UTRN: variants seen among roughly 807,000 people sequenced by gnomAD.
UTRN encodes the protein dystrophin-related protein 1.
Under a neutral mutation model 463.9 loss-of-function variants are expected in UTRN, and 283 were observed. That is an observed-to-expected ratio of 0.61 (90% CI 0.55 to 0.67). UTRN has a LOEUF of 0.67. Ranked by LOEUF, UTRN falls within the 30% of genes least tolerant of loss-of-function variation. UTRN has a pLI of 0.00. For missense variants in UTRN, 3,922 were observed against 4,084.3 expected (o/e 0.96, Z 1.08); for synonymous variants, 1,442 against 1,431.5 (o/e 1.01, Z -0.17).
intron 54 of UTRN, among the ~76,000 whole-genome samples, chr6:144,741,555 A>G (rs1007935032): frequency 1.3e-5 from 2 of 152,124 alleles, no homozygotes; most frequent in Non-Finnish European, 2.9e-5. Context: ...CTCCTGAAAC[A>G]TTCTCAGCTT....
rs1292568487 is a variant in UTRN at position 144,801,436 on chromosome 6, G to C, written c.9246-1600G>C. On this transcript the variant is annotated intron_variant, in intron 64 of 74. Coordinates refer to ENST00000367545, the MANE Select transcript of UTRN (RefSeq NM_007124.3). The stretch of plus-strand genomic sequence containing the variant: ...TGTGGCTTCAGAGAATGAATGGAAA[G>C]ACAAGTACAGAAATAAAGATAGAGG... Among the ~76,000 whole-genome samples the C allele has an allele frequency of 1.3e-5, 2 of 152,036 alleles. 1 individual carries two copies. Among genetic ancestry groups the C allele is most frequent in the African/African-American group, 4.8e-5 (2 of 41,386 alleles).
At chr6:144,582,160 C>T (rs924565914) in intron 51 of UTRN, among the ~76,000 whole-genome samples, 7 of 152,016 alleles carry the variant, frequency 4.6e-5, no homozygotes, top group Non-Finnish European at 8.8e-5. Context: ...GACTTTAAAT[C>T]GTTGTAACAT....
chr6:144,776,350 G>A (rs1171141960), intron 60 of UTRN, among the ~76,000 whole-genome samples: 2 of 152,150 alleles, frequency 1.3e-5, no homozygotes, highest in Non-Finnish European at 2.9e-5. Context: ...TTGTGTGCTC[G>A]AATAATGTTT....
intron 11 of UTRN, 96 bp from the exon 12 acceptor site, chr6:144,438,649 T>C: frequency 6.9e-7 from 1 of 1,447,584 alleles, no homozygotes; most frequent in Non-Finnish European, 9.4e-7. Context: ...GACAAGGGTG[T>C]CTTCCCTTGC....
intron 51 of UTRN, among the ~76,000 whole-genome samples, chr6:144,577,843 A>C (rs1801588749): frequency 6.6e-6 from 1 of 152,212 alleles, no homozygotes; most frequent in Non-Finnish European, 1.5e-5. Flanking sequence ...AATCTTATGA[A>C]ATACGTCTGA....
chr6:144,523,164 A>G lies in UTRN; in HGVS notation c.5882A>G (p.Asn1961Ser), dbSNP rs1221151566. ...CTGAATGCAAAATGGGACAGAATTA[A>G]TAGAATGTACAGTGATCGGAAAGGG... ...TQLNAKWDRI[N>S]RMYSDRKGCF... is the part of the protein sequence containing the mutation. The change falls in exon 41 of 75, where the codon AAT (asparagine) becomes AGT (serine). Residue 1961 changes from asparagine (N) to serine (S), a missense_variant. Asn to Ser is a conservative substitution (Grantham distance 46). Around this residue, in one of 3 missense-constraint regions of UTRN, gnomAD observed 2,349 missense variants for 2,303.8 expected, o/e 1.02. Transcript: ENST00000367545. 3 of 1,610,730 alleles carry G rather than the reference A, an allele frequency of 1.9e-6. No individual in the cohort carries two copies. The highest frequency in any genetic ancestry group is 2.5e-6 in the Non-Finnish European group (3 of 1,178,930).
intron 2 of UTRN, among the ~76,000 whole-genome samples, chr6:144,357,898 C>T (rs1214267500): frequency 6.6e-6 from 1 of 152,208 alleles, no homozygotes; most frequent in African/African-American, 2.4e-5. Flanking sequence ...ATAGTCAATT[C>T]CTTGCTGTAG....
chr6:144,766,661 C>T (rs918675916), intron 58 of UTRN, among the ~76,000 whole-genome samples: 3 of 151,848 alleles, frequency 2.0e-5, no homozygotes, highest in African/African-American at 7.3e-5. Flanking sequence ...GGAAGCCAAA[C>T]AGAAGTGGCT....
intron 61 of UTRN, 85 bp downstream of exon 61, chr6:144,782,208 T>A (rs1775893047): frequency 1.7e-6 from 2 of 1,161,616 alleles, no homozygotes; most frequent in Admixed American, 3.0e-5. Flanking sequence ...GTGAATTTTT[T>A]AATAAGTGCT....
intron 66 of UTRN, among the ~76,000 whole-genome samples, chr6:144,822,535 C>T (rs1333424882): frequency 6.6e-6 from 1 of 152,080 alleles, no homozygotes; most frequent in Admixed American, 6.6e-5. Flanking sequence ...AGATCTGTGT[C>T]TTTCTAAACA....
At chr6:144,835,035 G>C (rs147284998) in intron 69 of UTRN, among the ~76,000 whole-genome samples, 156 of 152,324 alleles carry the variant, frequency 1.0e-3, no homozygotes, top group African/African-American at 3.7e-3. Context: ...GTTGAAAGAA[G>C]ATAAGAAATT....
At chr6:144,375,363 G>A (rs967755297) in intron 2 of UTRN, among the ~76,000 whole-genome samples, 45 of 152,328 alleles carry the variant, frequency 3.0e-4, no homozygotes, top group Non-Finnish European at 5.3e-4. Flanking sequence ...GCGTTTATAA[G>A]CATGTTAGAA....
chr6:144,484,177 C>T (rs1300076791), intron 27 of UTRN, among the ~76,000 whole-genome samples: 1 of 152,124 alleles, frequency 6.6e-6, no homozygotes, highest in African/African-American at 2.4e-5. Flanking sequence ...GCTCTGGAAA[C>T]CTCAGAGGGG....
intron 2 of UTRN, among the ~76,000 whole-genome samples, chr6:144,391,238 C>A (rs143285466): frequency 0.015 from 2,224 of 152,134 alleles, 29 homozygotes; most frequent in Non-Finnish European, 0.025. Context: ...TACCCAGACA[C>A]TTTTTTGATT....
rs567228829 is a variant in UTRN, at chr6:144,351,975, C to T, written c.80-51148C>T. 1.4e-4 allele frequency among the ~76,000 whole-genome samples: 21 copies of T among 152,348 alleles called. No homozygotes were observed. In the South Asian group the frequency reaches 2.1e-3, roughly 15 times the overall value. The stretch of plus-strand genomic sequence containing the variant: ...GGCTCAGCCAGTCTCTTGCTGGGAA[C>T]CTGCTGCCAGAGTTAGTCACTTGGC... On this transcript the variant is annotated intron_variant, in intron 2 of 74. Transcript: ENST00000367545.
rs370000762 is a variant in UTRN, at chr6:144,367,002, T to C, written c.80-36121T>C. The stretch of plus-strand genomic sequence containing the variant: ...TTTTTTTGTCTCTTTGTTTTTTGTT[T>C]AGATGGACTCTCGCTCTGTCATCCA... On this transcript the variant is annotated intron_variant, in intron 2 of 74. Coordinates refer to ENST00000367545, the MANE Select transcript of UTRN (RefSeq NM_007124.3). Among the ~76,000 whole-genome samples, 5 of 152,286 alleles carry C rather than the reference T, an allele frequency of 3.3e-5. No homozygotes were observed. In the East Asian group the frequency reaches 5.8e-4, roughly 18 times the overall value.
chr6:144,782,325 T>TTTAAA (rs1775905808), intron 61 of UTRN, among the ~76,000 whole-genome samples: 1 of 152,160 alleles, frequency 6.6e-6, no homozygotes, highest in African/African-American at 2.4e-5. Flanking sequence ...AGAATGTACA[T>TTTAAA]CTTTCATTTT....
chr6:144,303,351 C>G (rs1036961234), intron 2 of UTRN, among the ~76,000 whole-genome samples: 1 of 152,182 alleles, frequency 6.6e-6, no homozygotes, highest in African/African-American at 2.4e-5. Flanking sequence ...GTAACAGTAT[C>G]TATAAAGCCG....
chr6:144,604,183 T>C (rs1053725713), intron 51 of UTRN, among the ~76,000 whole-genome samples: 15 of 152,174 alleles, frequency 9.9e-5, no homozygotes, highest in Non-Finnish European at 1.9e-4. Context: ...TGCATGGCCA[T>C]GTCTTACCCA....
Sources: allele counts gnomAD v4.1 joint callset (sites outside exome capture counted in the v4.1 genomes callset), GRCh38; gene constraint gnomAD v4.1.1; regional missense constraint gnomAD v4.1.1; transcripts MANE v1.5; gene names NCBI Gene and HGNC (gene_info 2026-07-23, HGNC 2026-07-21).